LRRC71: variants seen among roughly 807,000 people sequenced by gnomAD.
The protein encoded by LRRC71 is leucine-rich repeat-containing protein 71.
In LRRC71, 54 loss-of-function variants were observed where a neutral mutation model predicts 66.6. The ratio of observed to expected loss-of-function variants is 0.81; its 90% CI spans 0.65 to 1.02. The LOEUF (loss-of-function observed/expected upper bound fraction) is 1.02, where lower values mean the gene tolerates loss of function less well. LRRC71 is among the 50% of genes least tolerant of loss of function. The pLI is 0.00. For missense variants in LRRC71, 724 were observed against 718.0 expected (o/e 1.01, Z -0.10); for synonymous variants, 323 against 303.9 (o/e 1.06, Z -0.65).
Position 156,932,595 on chromosome 1 carries a change from C to T in LRRC71, c.1563+50C>T, listed in dbSNP as rs369016444. On this transcript the variant is annotated intron_variant, in intron 14 of 14. Coordinates refer to ENST00000337428, the MANE Select transcript of LRRC71 (RefSeq NM_144702.3). ...CTGAAGCAGACGTTGCCCCTATCAG[C>T]TGTCATACTAGACAGCTGCTGCAGG... 35 of 1,613,962 alleles carry T rather than the reference C, an allele frequency of 2.2e-5. No individual in the cohort carries two copies. In the African/African-American group the frequency reaches 3.6e-4, roughly 17 times the overall value.
Position 156,924,039 on chromosome 1 carries a change from G to A in LRRC71, c.251G>A (p.Arg84Gln). ...GYTDFPKVVN[R>Q]PRPHPPFVPS... ...ACGGACTTCCCCAAAGTTGTCAACC[G>A]GCCCCGCCCCCACCCGCCCTTCGTC... Residue 84 changes from arginine to glutamine, a missense_variant, in exon 2 of 15, where the codon CGG becomes CAG. Arg to Gln is a conservative substitution (Grantham distance 43). Coordinates refer to ENST00000337428, the MANE Select transcript of LRRC71 (RefSeq NM_144702.3). The A allele has an allele frequency of 6.5e-7, 1 of 1,548,144 alleles. No homozygotes were observed. The highest frequency in any genetic ancestry group is 8.7e-7 in the Non-Finnish European group (1 of 1,145,852).
chr1:156,940,531 C>A, the LRRC71 span: 1 of 1,036,480 alleles, frequency 9.6e-7, no homozygotes, highest in African/African-American at 1.6e-5. Context: ...CTGACTTATT[C>A]TACAGTTGTT....
Position 156,927,930 on chromosome 1 carries a change from G to C in LRRC71, c.922G>C (p.Glu308Gln). ...CCTCCTTCAGGTCCTGCGCGCCTTCGAGCTGACACACACCGAAGTGGTGGA... is the reference window on the plus strand; with the variant it reads ...CCTCCTTCAGGTCCTGCGCGCCTTCCAGCTGACACACACCGAAGTGGTGGA... Reference protein sequence around the residue: ...LKLAEVLRAFELTHTEVVERR... With the variant: ...LKLAEVLRAFQLTHTEVVERR... The change falls in exon 9 of 15, where the codon GAG becomes CAG. Residue 308 changes from glutamate (E) to glutamine (Q), a missense_variant. Transcript: ENST00000337428. 6.2e-7 allele frequency: 1 copy of C among 1,612,046 alleles called. No individual in the cohort carries two copies. The highest frequency in any genetic ancestry group is 8.5e-7 in the Non-Finnish European group (1 of 1,179,286).
rs1045375012 is a variant in LRRC71, at chr1:156,924,497, C to A, written c.384C>A (p.Ile128=). The A allele has an allele frequency of 5.2e-6, 8 of 1,551,452 alleles. No individual in the cohort carries two copies. The highest frequency in any genetic ancestry group is 7.0e-6 in the Non-Finnish European group (8 of 1,146,988). ...AATACGTGTTCTTCCGGCCCACCAT[C>A]CAGGTGGAGCTGGAGCAGGAGGACA... The part of the protein sequence containing the change: ...ESKYVFFRPT[I]QVELEQEDSK... Residue 128 remains isoleucine, a synonymous_variant, in exon 3 of 15, where the codon ATC becomes ATA. Transcript: ENST00000337428.
At chr1:156,925,733 C>G (rs1012780400) in intron 5 of LRRC71, among the ~76,000 whole-genome samples, 1 of 152,246 alleles carries the variant, frequency 6.6e-6, no homozygotes, top group Non-Finnish European at 1.5e-5. Flanking sequence ...CCTCTTCTTG[C>G]TTCATGGTGG....
In LRRC71 at chr1:156,922,634, A is replaced by G. The variant is rs540404073; in HGVS notation, c.161-1315A>G. 2.0e-4 allele frequency among the ~76,000 whole-genome samples: 30 copies of G among 152,328 alleles called. 1 individual carries two copies. The highest frequency in any genetic ancestry group is 7.2e-4 in the African/African-American group (30 of 41,560). ...AAGTGCAGAGAGCCCATTTCCATCC[A>G]GGCATGAAGTACTACAGGGCAGCGC... On this transcript the variant is annotated intron_variant, in intron 1 of 14. Transcript: ENST00000337428.
Position 156,927,786 on chromosome 1 carries a change from C to T in LRRC71, c.876C>T (p.Ile292=), listed in dbSNP as rs764604635. 3 of 1,612,944 alleles carry T rather than the reference C, an allele frequency of 1.9e-6. No homozygotes were observed. In the Admixed American group the frequency reaches 5.0e-5, roughly 27 times the overall value. Residue 292 remains isoleucine, a synonymous_variant, in exon 8 of 15, where the codon ATC becomes ATT. Transcript: ENST00000337428. Reference sequence around the variant, plus strand: ...GGCTGTCCCTGGCCCACAACCGCATCCAGGACAAGGGCGCCCTGAAGCTGG... The same window carrying T: ...GGCTGTCCCTGGCCCACAACCGCATTCAGGACAAGGGCGCCCTGAAGCTGG... The part of the protein sequence containing the change: ...LLWLSLAHNR[I]QDKGALKLAE...
At chr1:156,921,028 T>C in intron 1 of LRRC71, 65 bp downstream of exon 1, 1 of 1,436,612 alleles carries the variant, frequency 7.0e-7, no homozygotes. Flanking sequence ...TCCCACTAGC[T>C]ACTCACTGCT....
chr1:156,931,621 T>C (rs771344711), intron 12 of LRRC71, among the ~76,000 whole-genome samples: 1 of 152,122 alleles, frequency 6.6e-6, no homozygotes, highest in African/African-American at 2.4e-5. Context: ...TCTGACAATA[T>C]CATGTGCGTT....
chr1:156,929,360 G>T lies in LRRC71; in HGVS notation c.1077G>T (p.Val359=). 6.2e-7 allele frequency: 1 copy of T among 1,613,680 alleles called. No homozygotes were observed. The highest frequency in any genetic ancestry group is 8.5e-7 in the Non-Finnish European group (1 of 1,179,760). Residue 359 remains valine, a synonymous_variant, in exon 10 of 15, where the codon GTG becomes GTT. Coordinates refer to ENST00000337428, the MANE Select transcript of LRRC71 (RefSeq NM_144702.3). ...TAGGGATCAGCAATAGTGCATTGGT[G>T]GACAAGACAGACAAGACGCAGACAA... ...QMVGISNSAL[V]DKTDKTQTMK...
At chr1:156,925,542 G>C (rs78365228) in intron 5 of LRRC71, among the ~76,000 whole-genome samples, 1 of 152,234 alleles carries the variant, frequency 6.6e-6, no homozygotes, top group Non-Finnish European at 1.5e-5. Flanking sequence ...CTGCCTGGAG[G>C]AGGTGGTACT....
intron 12 of LRRC71, 74 bp downstream of exon 12, chr1:156,930,691 A>G (rs1314370252): frequency 2.5e-5 from 34 of 1,380,882 alleles, no homozygotes; most frequent in Non-Finnish European, 3.1e-5. Flanking sequence ...GTCTCACCCC[A>G]GCCCCTCCTG....
chr1:156,924,800 A>G, intron 4 of LRRC71, 82 bp downstream of exon 4: 1 of 1,393,706 alleles, frequency 7.2e-7, no homozygotes, highest in Non-Finnish European at 9.8e-7. Context: ...ACCAAGGGGC[A>G]TGGGAGACCC....
Position 156,924,453 on chromosome 1 carries a change from C to G in LRRC71, c.340C>G (p.Leu114Val). The G allele has an allele frequency of 6.4e-7, 1 of 1,551,250 alleles. No individual in the cohort carries two copies. Among genetic ancestry groups the G allele is most frequent in the Non-Finnish European group, 8.7e-7 (1 of 1,147,002 alleles). The change falls in exon 3 of 15, where the codon CTC becomes GTC. Residue 114 changes from leucine to valine, a missense_variant. Leu to Val is a conservative substitution (Grantham distance 32, BLOSUM62 1). Coordinates refer to ENST00000337428, the MANE Select transcript of LRRC71 (RefSeq NM_144702.3). ...TCCGCGGCTGTCGGGGTCCTGCAGC[C>G]TCAATAGCCTGGAGAGCAAATACGT... ...DDPRLSGSCS[L>V]NSLESKYVFF...
intron 9 of LRRC71, among the ~76,000 whole-genome samples, chr1:156,928,933 T>A (rs561033813): frequency 1.3e-5 from 2 of 152,144 alleles, no homozygotes; most frequent in Non-Finnish European, 2.9e-5. Context: ...GTTGTACCTA[T>A]TTCATGACTG....
At position 156,924,996 on chromosome 1, in the gene LRRC71, C is replaced by G; in HGVS notation, c.574C>G (p.Leu192Val). The change falls in exon 5 of 15, where the codon CTC (leucine) becomes GTC (valine). Residue 192 changes from leucine to valine, a missense_variant. Transcript: ENST00000337428. Reference protein sequence around the residue: ...TLTTFIELLPLCSSTLRKVSL... With the variant: ...TLTTFIELLPVCSSTLRKVSL... ...GACCACCTTCATCGAGCTCCTGCCTCTCTGTTCATCCACGCTCAGGTCAGC... is the reference window on the plus strand; with the variant it reads ...GACCACCTTCATCGAGCTCCTGCCTGTCTGTTCATCCACGCTCAGGTCAGC... The G allele has an allele frequency of 6.4e-7, 1 of 1,551,752 alleles. No individual in the cohort carries two copies. Among genetic ancestry groups the G allele is most frequent in the Non-Finnish European group, 8.7e-7 (1 of 1,147,010 alleles).
chr1:156,934,878 C>A (rs1246002111), downstream of LRRC71: 1 of 150,508 alleles, frequency 6.6e-6, no homozygotes, highest in African/African-American at 2.4e-5. Flanking sequence ...AAAATCTTAA[C>A]CATGAAAGGA....
At chr1:156,927,450 C>T in intron 6 of LRRC71, 46 bp from the exon 7 acceptor site, 1 of 1,522,722 alleles carries the variant, frequency 6.6e-7, no homozygotes, top group Non-Finnish European at 8.8e-7. Flanking sequence ...CGGCGGACGC[C>T]CTGTACCTTT....
At chr1:156,939,852 A>G in the LRRC71 span, 3 of 1,611,900 alleles carry the variant, frequency 1.9e-6, no homozygotes, top group African/African-American at 4.0e-5. Context: ...GGGCAGCCTG[A>G]GTTTCCATGG....
Sources: gnomAD v4.1 joint callset for allele counts (sites outside exome capture counted in the v4.1 genomes callset) on GRCh38, gnomAD v4.1.1 for gene constraint, MANE v1.5 for transcripts, NCBI Gene and HGNC (gene_info 2026-07-23, HGNC 2026-07-21) for gene names.